Variants in AVEN observed in about 807,000 individuals in gnomAD.
The protein encoded by AVEN is cell death regulator Aven.
AVEN carries 41 observed loss-of-function variants against 38.1 expected under a neutral mutation model. That is an observed-to-expected ratio of 1.08 (90% CI 0.84 to 1.40). The LOEUF is 1.40. AVEN is among the 40% of genes most tolerant of loss of function. The pLI, the probability that AVEN is intolerant of heterozygous loss-of-function variation, is 0.00. For missense variants in AVEN, 605 were observed against 438.8 expected (o/e 1.38, Z -3.38); for synonymous variants, 206 against 171.8 (o/e 1.20, Z -1.56).
chr15:34,057,186 T>G (rs1597392453), intron 5 of AVEN, among the ~76,000 whole-genome samples: 1 of 150,478 alleles, frequency 6.6e-6, no homozygotes, highest in African/African-American at 2.4e-5. Context: ...CAGGCTGGAG[T>G]GCAGTCGCAT....
downstream of AVEN, among the ~76,000 whole-genome samples, chr15:33,857,168 G>T (rs570105862): frequency 3.9e-5 from 6 of 152,248 alleles, no homozygotes; most frequent in South Asian, 1.2e-3. Context: ...AAGTACTACA[G>T]ACTGCTATTT....
Position 33,917,374 on chromosome 15 carries a change from G to GTGTA in AVEN, c.446-41380_446-41379insTACA, listed in dbSNP as rs1291601986. On this transcript the variant is annotated intron_variant, in intron 2 of 5. Coordinates refer to ENST00000306730, the MANE Select transcript of AVEN (RefSeq NM_020371.3). The stretch of plus-strand genomic sequence containing the variant: ...GTGGTGTGTGTGTGTGTGTGTGTGT[G>GTGTA]TATACACACACACACACACACACAT... 9.0e-5 allele frequency among the ~76,000 whole-genome samples: 3 copies of GTGTA among 33,234 alleles called. No homozygotes were observed. The South Asian group carries it at 5.9e-3, about 65-fold the overall frequency. 21.8% of individuals were successfully genotyped at this position (33,234 alleles called of 152,430 possible). A position where few individuals can be genotyped will look rare whatever the true frequency, so the allele number is the denominator to read the frequency against.
upstream of AVEN, among the ~76,000 whole-genome samples, chr15:34,075,166 A>C (rs560040531): frequency 7.3e-6 from 1 of 137,092 alleles, no homozygotes; most frequent in East Asian, 2.1e-4. Flanking sequence ...TGGGCAAAAG[A>C]GCGAGACTCT....
chr15:33,981,578 G>A (rs530430736), intron 2 of AVEN, among the ~76,000 whole-genome samples: 15 of 152,260 alleles, frequency 9.9e-5, no homozygotes, highest in African/African-American at 3.6e-4. Flanking sequence ...GCCTACTGCT[G>A]CATAGCCAAC....
At chr15:33,896,524 G>C (rs991959268) in intron 2 of AVEN, among the ~76,000 whole-genome samples, 1 of 152,178 alleles carries the variant, frequency 6.6e-6, no homozygotes, top group African/African-American at 2.4e-5. Context: ...CAGGAGAACT[G>C]TTTAGGGGCT....
At chr15:33,894,588 C>T (rs1892137412) in intron 2 of AVEN, among the ~76,000 whole-genome samples, 1 of 145,744 alleles carries the variant, frequency 6.9e-6, no homozygotes, top group Non-Finnish European at 1.5e-5. Flanking sequence ...GGCAGGGGGA[C>T]TGCCTGAGCT....
intron 2 of AVEN, among the ~76,000 whole-genome samples, chr15:33,936,870 G>A (rs980033705): frequency 6.6e-6 from 1 of 152,204 alleles, no homozygotes; most frequent in African/African-American, 2.4e-5. Flanking sequence ...AGTGGCTCAC[G>A]CCTGTAATCC....
chr15:33,922,432 C>T (rs671060), intron 2 of AVEN, among the ~76,000 whole-genome samples: 106,567 of 151,610 alleles, frequency 0.7, 37,626 homozygotes, highest in East Asian at 0.81. Context: ...TGTGATTTGA[C>T]ACTTTTTTTT....
At chr15:33,994,260 T>C (rs1896847281) in intron 2 of AVEN, among the ~76,000 whole-genome samples, 1 of 152,230 alleles carries the variant, frequency 6.6e-6, no homozygotes, top group African/African-American at 2.4e-5. Context: ...CCAAACCCTA[T>C]TGTGAACTGC....
At chr15:34,062,257 A>G (rs1286540319) in intron 5 of AVEN, among the ~76,000 whole-genome samples, 1 of 152,218 alleles carries the variant, frequency 6.6e-6, no homozygotes, top group African/African-American at 2.4e-5. Context: ...ATATTCCATT[A>G]GAAACTATAA....
intron 2 of AVEN, among the ~76,000 whole-genome samples, chr15:33,984,060 A>G (rs1896312905): frequency 6.6e-6 from 1 of 152,174 alleles, no homozygotes; most frequent in South Asian, 2.1e-4. Flanking sequence ...AATACAAAGA[A>G]TAAATGTAAT....
intron 2 of AVEN, among the ~76,000 whole-genome samples, chr15:33,904,694 A>ATAATAT (rs1555505832): frequency 8.9e-6 from 1 of 112,746 alleles, no homozygotes; most frequent in South Asian, 2.8e-4. Context: ...AAAAAAAAAA[A>ATAATAT]ATATATATAT....
At chr15:33,968,099 TAAA>T (rs71119906) in intron 2 of AVEN, among the ~76,000 whole-genome samples, 1,150 of 25,816 alleles carry the variant, frequency 0.045, 9 homozygotes, top group African/African-American at 0.075. Flanking sequence ...TAGCAAAGCT[TAAA>T]AAAAAAAAAA....
intron 5 of AVEN, among the ~76,000 whole-genome samples, chr15:34,053,464 A>G (rs982585444): frequency 6.6e-6 from 1 of 151,518 alleles, no homozygotes; most frequent in Non-Finnish European, 1.5e-5. Flanking sequence ...CAGCATGGTA[A>G]TGGTACAAAA....
intron 2 of AVEN, among the ~76,000 whole-genome samples, chr15:33,897,630 C>T (rs1397995952): frequency 2.0e-5 from 3 of 152,102 alleles, no homozygotes; most frequent in Non-Finnish European, 4.4e-5. Context: ...ATAATCCCAG[C>T]ACTTTGGGAG....
intron 2 of AVEN, among the ~76,000 whole-genome samples, chr15:33,990,470 C>G (rs2140566324): frequency 6.6e-6 from 1 of 152,270 alleles, no homozygotes; most frequent in East Asian, 1.9e-4. Flanking sequence ...GAATATAAGT[C>G]ATTTGATAAC....
chr15:34,026,903 G>A (rs988419008), intron 1 of AVEN, among the ~76,000 whole-genome samples: 27 of 152,102 alleles, frequency 1.8e-4, no homozygotes, highest in Admixed American at 1.2e-3. Context: ...TGTGGCCTAC[G>A]TATAATAGAA....
chr15:33,941,886 T>G (rs1894331935), intron 2 of AVEN, among the ~76,000 whole-genome samples: 1 of 152,230 alleles, frequency 6.6e-6, no homozygotes, highest in South Asian at 2.1e-4. Flanking sequence ...TTTCCAGTGT[T>G]TGCTTTCTTG....
At chr15:33,873,094 C>CTTTTTTTTTTT (rs34223352) in intron 3 of AVEN, among the ~76,000 whole-genome samples, 9 of 85,140 alleles carry the variant, frequency 1.1e-4, no homozygotes, top group Admixed American at 1.6e-4. Context: ...TTTTCCTTTT[C>CTTTTTTTTTTT]TTTTTTTTTT....
Sources: allele counts gnomAD v4.1 joint callset (sites outside exome capture counted in the v4.1 genomes callset), GRCh38; gene constraint gnomAD v4.1.1; transcripts MANE v1.5; gene names NCBI Gene and HGNC (gene_info 2026-07-23, HGNC 2026-07-21).